PAPPA2: variants seen among roughly 807,000 people sequenced by gnomAD.
PAPPA2 encodes the protein pappalysin 2.
In PAPPA2, 86 loss-of-function variants were observed where a neutral mutation model predicts 176.4. The observed-to-expected ratio is 0.49, with a 90% CI of 0.41 to 0.58. PAPPA2 has a LOEUF of 0.58. Ranked by LOEUF, PAPPA2 falls within the 20% of genes least tolerant of loss-of-function variation. PAPPA2 has a pLI of 0.00. For missense variants in PAPPA2, 2,073 were observed against 2,256.9 expected, an observed-to-expected ratio of 0.92 and a Z score of 1.65; for synonymous variants, 809 against 852.2, an observed-to-expected ratio of 0.95 and a Z score of 0.88.
chr1:176,564,571 C>T (rs1000252203), intron 2 of PAPPA2, among the ~76,000 whole-genome samples: 1 of 152,162 alleles, frequency 6.6e-6, no homozygotes, highest in African/African-American at 2.4e-5. Flanking sequence ...AAAATAACTC[C>T]AACAGAGAGA....
At chr1:176,786,250 G>C (rs770898758) in intron 17 of PAPPA2, among the ~76,000 whole-genome samples, 10 of 152,150 alleles carry the variant, frequency 6.6e-5, no homozygotes, top group Non-Finnish European at 1.5e-4. Flanking sequence ...TCTTTCTGGA[G>C]GGAAAGAAGA....
intron 14 of PAPPA2, among the ~76,000 whole-genome samples, chr1:176,757,896 A>C (rs1663503199): frequency 6.6e-6 from 1 of 152,186 alleles, no homozygotes; most frequent in African/African-American, 2.4e-5. Context: ...CATACCCAGA[A>C]TCAAAAATAA....
At chr1:176,762,394 A>T (rs943615530) in intron 14 of PAPPA2, among the ~76,000 whole-genome samples, 1 of 151,784 alleles carries the variant, frequency 6.6e-6, no homozygotes, top group Non-Finnish European at 1.5e-5. Context: ...TCCCATTTTG[A>T]TGGAGGGAGG....
chr1:176,769,707 C>T lies in PAPPA2; in HGVS notation c.4424C>T (p.Ala1475Val), dbSNP rs1317903197. 2 of 1,613,826 alleles carry T rather than the reference C, an allele frequency of 1.2e-6. No homozygotes were observed. Among genetic ancestry groups the T allele is most frequent in the African/African-American group, 1.3e-5 (1 of 74,888 alleles). The change falls in exon 16 of 23, where the codon GCA becomes GTA. Residue 1475 changes from alanine (A) to valine (V), a missense_variant. Ala to Val is a moderately conservative substitution (Grantham distance 64). This residue lies in a region of PAPPA2 where 846 missense variants were observed against 857.9 expected (regional missense o/e 0.99). Coordinates refer to ENST00000367662, the MANE Select transcript of PAPPA2 (RefSeq NM_020318.3). ...CCCGACCCGTCTTTGGTGAACTATG[C>T]AAACTTCTCCTGCTCAGAGGGAACC... Reference protein sequence around the residue: ...GVPDPSLVNYANFSCSEGTKF... With the variant: ...GVPDPSLVNYVNFSCSEGTKF...
At chr1:176,784,639 T>C (rs1664854528) in intron 17 of PAPPA2, among the ~76,000 whole-genome samples, 1 of 150,676 alleles carries the variant, frequency 6.6e-6, no homozygotes, top group African/African-American at 2.5e-5. Context: ...CAGGCTGGAG[T>C]GCAGTGGTGC....
At chr1:176,582,550 T>C (rs1653050520) in intron 2 of PAPPA2, among the ~76,000 whole-genome samples, 1 of 152,194 alleles carries the variant, frequency 6.6e-6, no homozygotes, top group Non-Finnish European at 1.5e-5. Context: ...TTTTCCATAA[T>C]ATATTCGCTG....
chr1:176,535,372 C>A (rs1650016332), intron 1 of PAPPA2, among the ~76,000 whole-genome samples: 1 of 152,164 alleles, frequency 6.6e-6, no homozygotes, highest in Non-Finnish European at 1.5e-5. Context: ...CTCTAGATTT[C>A]ATTTTTGTAA....
At chr1:176,483,496 A>G (rs1386856153) in intron 1 of PAPPA2, among the ~76,000 whole-genome samples, 1 of 107,030 alleles carries the variant, frequency 9.3e-6, no homozygotes, top group Non-Finnish European at 1.7e-5. Context: ...TTTGAGATGA[A>G]GTCTGGCTCT....
intron 3 of PAPPA2, among the ~76,000 whole-genome samples, chr1:176,665,466 A>G (rs997932183): frequency 5.3e-5 from 8 of 152,234 alleles, no homozygotes; most frequent in African/African-American, 1.9e-4. Context: ...CTCAAGGGCC[A>G]GAATGGTGCT....
chr1:176,710,991 G>C (rs370147871), intron 11 of PAPPA2, among the ~76,000 whole-genome samples: 171 of 152,186 alleles, frequency 1.1e-3, no homozygotes, highest in Non-Finnish European at 2.0e-3. Flanking sequence ...AAGGAAGGAG[G>C]GGGCAGGCCA....
chr1:176,726,229 C>T (rs968187705), intron 12 of PAPPA2, among the ~76,000 whole-genome samples: 1 of 152,176 alleles, frequency 6.6e-6, no homozygotes, highest in Non-Finnish European at 1.5e-5. Flanking sequence ...ATTATAGAAC[C>T]TAACCCTTTC....
chr1:176,690,516 G>A (rs1248053653), intron 5 of PAPPA2, 86 bp downstream of exon 5: 2 of 1,551,826 alleles, frequency 1.3e-6, no homozygotes, highest in Non-Finnish European at 1.7e-6. Context: ...GGAGCTGATG[G>A]GAGAATGATT....
Position 176,532,832 on chromosome 1 carries a change from C to T in PAPPA2, c.-916-22575C>T, listed in dbSNP as rs372092788. ...CCACCTCTGCCTCTGTGTCTGTCTC[C>T]ATCTCTGATGCTCAGCATCAGTATA... On this transcript the variant is annotated intron_variant, in intron 1 of 22. Transcript: ENST00000367662. Among the ~76,000 whole-genome samples, 30 of 152,334 alleles carry T rather than the reference C, an allele frequency of 2.0e-4. No homozygotes were observed. In the East Asian group the frequency reaches 5.8e-3, roughly 29 times the overall value.
chr1:176,776,595 G>A (rs1405073923), intron 17 of PAPPA2, among the ~76,000 whole-genome samples: 1 of 152,132 alleles, frequency 6.6e-6, no homozygotes, highest in Admixed American at 6.5e-5. Flanking sequence ...GGGAGAGCCT[G>A]AGATGGGCTG....
intron 5 of PAPPA2, among the ~76,000 whole-genome samples, chr1:176,691,797 G>A (rs1317110060): frequency 6.6e-6 from 1 of 152,190 alleles, no homozygotes; most frequent in Admixed American, 6.5e-5. Context: ...ACGTTCACAA[G>A]TGAAAAGGCC....
At chr1:176,503,510 C>A (rs1317924299) in intron 1 of PAPPA2, among the ~76,000 whole-genome samples, 2 of 152,120 alleles carry the variant, frequency 1.3e-5, no homozygotes, top group Non-Finnish European at 2.9e-5. Flanking sequence ...CTTTCTCCCA[C>A]ATTAACACAG....
intron 21 of PAPPA2, among the ~76,000 whole-genome samples, chr1:176,833,854 A>G (rs537521628): frequency 1.5e-3 from 185 of 122,116 alleles, no homozygotes; most frequent in East Asian, 3.2e-3. Context: ...CTGTGTGTGT[A>G]TATATATATA....
chr1:176,628,496 A>G (rs1463240021), intron 3 of PAPPA2, among the ~76,000 whole-genome samples: 1 of 152,202 alleles, frequency 6.6e-6, no homozygotes, highest in Admixed American at 6.5e-5. Flanking sequence ...AATCCAATTG[A>G]TAAATAGAAA....
chr1:176,771,066 C>A lies in PAPPA2; in HGVS notation c.4601C>A (p.Ala1534Asp), dbSNP rs754788575. The part of the protein sequence containing the change: ...ECDAPPIILN[A>D]NLLLPHCLQD... ...GATGCTCCCCCTATTATTCTGAATGCCAACTTGCTCCTGCCTCACTGCCTC... is the reference window on the plus strand; with the variant it reads ...GATGCTCCCCCTATTATTCTGAATGACAACTTGCTCCTGCCTCACTGCCTC... The change falls in exon 17 of 23, where the codon GCC becomes GAC. Residue 1534 changes from alanine (A) to aspartate (D), a missense_variant. Coordinates refer to ENST00000367662, the MANE Select transcript of PAPPA2 (RefSeq NM_020318.3). 6.2e-7 allele frequency: 1 copy of A among 1,614,100 alleles called. No individual in the cohort carries two copies. The highest frequency in any genetic ancestry group is 8.5e-7 in the Non-Finnish European group (1 of 1,180,012).
Sources: allele counts gnomAD v4.1 joint callset (sites outside exome capture counted in the v4.1 genomes callset), GRCh38; gene constraint gnomAD v4.1.1; regional missense constraint gnomAD v4.1.1; transcripts MANE v1.5; gene names NCBI Gene and HGNC (gene_info 2026-07-23, HGNC 2026-07-21).